SH3RF2: variants seen among roughly 807,000 people sequenced by gnomAD.
The protein encoded by SH3RF2 is SH3 domain containing ring finger 2.
In SH3RF2, 43 loss-of-function variants were observed where a neutral mutation model predicts 59.0. The observed-to-expected ratio is 0.73, with a 90% CI of 0.57 to 0.94. The LOEUF is 0.94. Ranked by LOEUF, SH3RF2 falls within the 40% of genes least tolerant of loss-of-function variation. The pLI, the probability that SH3RF2 is intolerant of heterozygous loss-of-function variation, is 0.00. For missense variants in SH3RF2, 930 were observed against 940.1 expected (o/e 0.99, Z 0.14); for synonymous variants, 391 against 391.5 (o/e 1.00, Z 0.01).
At chr5:145,952,305 G>A (rs575061797) in intron 2 of SH3RF2, among the ~76,000 whole-genome samples, 1 of 152,188 alleles carries the variant, frequency 6.6e-6, no homozygotes, top group South Asian at 2.1e-4. Flanking sequence ...CAATCCTAGA[G>A]AATCTTTCTT....
chr5:145,998,884 C>G (rs566792844), intron 2 of SH3RF2, among the ~76,000 whole-genome samples: 3 of 152,256 alleles, frequency 2.0e-5, no homozygotes, highest in South Asian at 2.1e-4. Flanking sequence ...GGACTCCAGC[C>G]TGGCAACAGA....
At chr5:146,051,720 T>C (rs1242238436) in intron 7 of SH3RF2, among the ~76,000 whole-genome samples, 2 of 152,154 alleles carry the variant, frequency 1.3e-5, no homozygotes, top group Admixed American at 1.3e-4. Context: ...GAGATGTCTC[T>C]TAATAATCCA....
chr5:146,056,321 A>T (rs1762671310), intron 8 of SH3RF2, 108 bp downstream of exon 8: 2 of 1,515,316 alleles, frequency 1.3e-6, no homozygotes, highest in Non-Finnish European at 1.8e-6. Context: ...CTTTAAACTA[A>T]GCCCCTGCAA....
chr5:145,986,235 T>G (rs985324411), intron 2 of SH3RF2, among the ~76,000 whole-genome samples: 7 of 152,090 alleles, frequency 4.6e-5, no homozygotes, highest in African/African-American at 1.7e-4. Flanking sequence ...ACGTCATTAG[T>G]CATTCCTCCT....
At chr5:146,060,713 A>G (rs1308398491) in intron 9 of SH3RF2, among the ~76,000 whole-genome samples, 1 of 152,228 alleles carries the variant, frequency 6.6e-6, no homozygotes, top group Non-Finnish European at 1.5e-5. Context: ...ATAATTATGC[A>G]TTGTATAAAA....
intron 5 of SH3RF2, among the ~76,000 whole-genome samples, chr5:146,036,898 G>A (rs1011214661): frequency 3.3e-5 from 5 of 152,202 alleles, no homozygotes; most frequent in African/African-American, 4.8e-5. Flanking sequence ...TAGCACCGGG[G>A]AAAAGGAAGA....
chr5:145,966,356 T>C (rs1236902189), intron 2 of SH3RF2, among the ~76,000 whole-genome samples: 2 of 152,192 alleles, frequency 1.3e-5, no homozygotes, highest in South Asian at 2.1e-4. Flanking sequence ...TCTTCACTGA[T>C]GTAGGTGAAA....
chr5:145,957,491 A>G (rs1256058104), intron 2 of SH3RF2, among the ~76,000 whole-genome samples: 1 of 152,156 alleles, frequency 6.6e-6, no homozygotes, highest in African/African-American at 2.4e-5. Flanking sequence ...CCTATCGCTA[A>G]CCTTATTGAA....
At chr5:145,954,913 G>A (rs1042891783) in intron 2 of SH3RF2, among the ~76,000 whole-genome samples, 1 of 152,024 alleles carries the variant, frequency 6.6e-6, no homozygotes, top group African/African-American at 2.4e-5. Flanking sequence ...GAGGGTCGGG[G>A]AGTTGCCACA....
chr5:146,049,235 C>G lies in SH3RF2; in HGVS notation c.1312C>G (p.Pro438Ala), dbSNP rs1762410463. 1 of 1,608,848 alleles carries G rather than the reference C, an allele frequency of 6.2e-7. No individual in the cohort carries two copies. The highest frequency in any genetic ancestry group is 1.3e-5 in the African/African-American group (1 of 74,802). Reference sequence around the variant, plus strand: ...CATCTTCCCAAACAATTACGTCATCCCCATTTTCAGGTGTGTCGCCTCCAA... The same window carrying G: ...CATCTTCCCAAACAATTACGTCATCGCCATTTTCAGGTGTGTCGCCTCCAA... ...VGIFPNNYVI[P>A]IFRKTSSFPD... Residue 438 changes from proline (P) to alanine (A), a missense_variant, in exon 7 of 10, where the codon CCC (proline) becomes GCC (alanine). Coordinates refer to ENST00000359120, the MANE Select transcript of SH3RF2 (RefSeq NM_152550.4).
intron 5 of SH3RF2, among the ~76,000 whole-genome samples, chr5:146,015,881 T>TTTG (rs1761085241): frequency 2.0e-5 from 3 of 152,240 alleles, no homozygotes; most frequent in Non-Finnish European, 4.4e-5. Context: ...TTTCTACATG[T>TTTG]TTGTCCAAAG....
intron 2 of SH3RF2, chr5:145,997,965 A>G (rs1431896749): frequency 1.3e-6 from 1 of 777,594 alleles, no homozygotes. Context: ...CATGGATCAC[A>G]GGTGGTCCCA....
chr5:146,034,236 A>G (rs1387758658), intron 5 of SH3RF2, among the ~76,000 whole-genome samples: 1 of 152,212 alleles, frequency 6.6e-6, no homozygotes, highest in East Asian at 1.9e-4. Flanking sequence ...TGCTCTGAAG[A>G]GTGAGCTGCA....
chr5:146,008,796 C>G (rs1760755061), intron 4 of SH3RF2, among the ~76,000 whole-genome samples: 1 of 152,120 alleles, frequency 6.6e-6, no homozygotes, highest in African/African-American at 2.4e-5. Flanking sequence ...ATTTCTTCCC[C>G]AACTCATAAG....
downstream of SH3RF2, among the ~76,000 whole-genome samples, chr5:146,064,758 G>A (rs1561773562): frequency 7.2e-3 from 33 of 4,592 alleles, no homozygotes; most frequent in Admixed American, 0.011. Flanking sequence ...AAGGAAGGAA[G>A]GAAGGAAGGA....
intron 8 of SH3RF2, among the ~76,000 whole-genome samples, chr5:146,057,962 CTCTCTCTATCTATCTA>C (rs1213827381): frequency 1.3e-4 from 10 of 76,850 alleles, no homozygotes; most frequent in South Asian, 6.6e-4. Context: ...CTCTCTCTCT[CTCTCTCTATCTATCTA>C]TCTATCTATA....
In SH3RF2 at chr5:146,004,164, A is replaced by G. The variant is rs1279115771; in HGVS notation, c.744+11A>G. Reference sequence around the variant, plus strand: ...ATCTTGTTTGTAGAGGTACGTGAGTATCAAGTCTACATCTGATTTACGCAT... The same window carrying G: ...ATCTTGTTTGTAGAGGTACGTGAGTGTCAAGTCTACATCTGATTTACGCAT... On this transcript the variant is annotated intron_variant, in intron 4 of 9. Coordinates refer to ENST00000359120, the MANE Select transcript of SH3RF2 (RefSeq NM_152550.4). 2 of 1,603,474 alleles carry G rather than the reference A, an allele frequency of 1.2e-6. No individual in the cohort carries two copies.
At chr5:146,046,219 T>C (rs1198717320) in intron 5 of SH3RF2, among the ~76,000 whole-genome samples, 2 of 152,210 alleles carry the variant, frequency 1.3e-5, no homozygotes, top group Non-Finnish European at 2.9e-5. Context: ...ACATATAGCA[T>C]ACACACATCA....
intron 5 of SH3RF2, among the ~76,000 whole-genome samples, chr5:146,041,058 G>A (rs1762108623): frequency 6.6e-6 from 1 of 152,112 alleles, no homozygotes; most frequent in African/African-American, 2.4e-5. Flanking sequence ...GTTAACCTTG[G>A]GCTCTACAGA....
Sources: gnomAD v4.1 joint callset for allele counts (sites outside exome capture counted in the v4.1 genomes callset) on GRCh38, gnomAD v4.1.1 for gene constraint, MANE v1.5 for transcripts, NCBI Gene and HGNC (gene_info 2026-07-23, HGNC 2026-07-21) for gene names.